The following SEMA3E variants were observed in gnomAD, a reference collection of about 807,000 sequenced individuals.
SEMA3E encodes the protein semaphorin 3E, also known as semaphorin-3E.
In SEMA3E, 49 loss-of-function variants were observed where a neutral mutation model predicts 93.6. The observed-to-expected ratio is 0.52, with a 90% CI of 0.42 to 0.66. The LOEUF (loss-of-function observed/expected upper bound fraction) is 0.66. SEMA3E is among the 30% of genes least tolerant of loss of function. The pLI, the probability that SEMA3E is intolerant of heterozygous loss-of-function variation, is 0.00. For missense variants in SEMA3E, 906 were observed against 964.8 expected, an observed-to-expected ratio of 0.94 and a Z score of 0.81; for synonymous variants, 363 against 330.7, an observed-to-expected ratio of 1.10 and a Z score of -1.06.
chr7:83,494,133 G>A (rs1790441697), intron 1 of SEMA3E, among the ~76,000 whole-genome samples: 1 of 151,732 alleles, frequency 6.6e-6, no homozygotes, highest in Non-Finnish European at 1.5e-5. Flanking sequence ...TATATTTCTA[G>A]GGAGTAAGGG....
chr7:83,587,767 A>T (rs1483603360), intron 1 of SEMA3E, among the ~76,000 whole-genome samples: 1 of 152,002 alleles, frequency 6.6e-6, no homozygotes, highest in Non-Finnish European at 1.5e-5. Flanking sequence ...AATATTTAAT[A>T]ATCATGATTA....
intron 1 of SEMA3E, among the ~76,000 whole-genome samples, chr7:83,572,531 T>C (rs577163005): frequency 6.6e-6 from 1 of 152,152 alleles, no homozygotes; most frequent in South Asian, 2.1e-4. Flanking sequence ...CCCAGCTACT[T>C]GGGAGTCTGA....
At chr7:83,375,380 A>G (rs1363054953) in intron 16 of SEMA3E, among the ~76,000 whole-genome samples, 3 of 152,130 alleles carry the variant, frequency 2.0e-5, no homozygotes, top group African/African-American at 4.8e-5. Flanking sequence ...GGTTTCCAAC[A>G]ACAGCACCAT....
chr7:83,501,372 C>T (rs530742882), intron 1 of SEMA3E, among the ~76,000 whole-genome samples: 1 of 152,270 alleles, frequency 6.6e-6, no homozygotes, highest in South Asian at 2.1e-4. Context: ...CAAAAATATC[C>T]TGTTATAGAA....
chr7:83,454,273 ATAT>A (rs748285866), intron 4 of SEMA3E, among the ~76,000 whole-genome samples: 13,339 of 98,498 alleles, frequency 0.14, 1,054 homozygotes, highest in Middle Eastern at 0.18. Flanking sequence ...AAAAAAAAAA[ATAT>A]ATATATATAT....
intron 1 of SEMA3E, among the ~76,000 whole-genome samples, chr7:83,614,736 ATG>A: frequency 6.6e-6 from 1 of 152,088 alleles, no homozygotes; most frequent in East Asian, 1.9e-4. Context: ...GGAAAAGAAA[ATG>A]TGACAAATTA....
chr7:83,540,407 T>A (rs1022612195), intron 1 of SEMA3E, among the ~76,000 whole-genome samples: 1 of 152,198 alleles, frequency 6.6e-6, no homozygotes, highest in Admixed American at 6.5e-5. Flanking sequence ...CCAATATATA[T>A]TAAGCTAAGA....
chr7:83,626,302 T>C (rs1260008115), intron 1 of SEMA3E, among the ~76,000 whole-genome samples: 3 of 152,198 alleles, frequency 2.0e-5, no homozygotes, highest in Non-Finnish European at 4.4e-5. Flanking sequence ...TCTTTGTACC[T>C]CTGTTTAATT....
intron 1 of SEMA3E, among the ~76,000 whole-genome samples, chr7:83,611,984 C>A (rs1793276022): frequency 6.6e-6 from 1 of 152,112 alleles, no homozygotes; most frequent in African/African-American, 2.4e-5. Context: ...GTCCTCCCTG[C>A]TCCCTCCACT....
chr7:83,639,807 C>CTATA (rs1342173201), intron 1 of SEMA3E, among the ~76,000 whole-genome samples: 4 of 151,622 alleles, frequency 2.6e-5, no homozygotes, highest in African/African-American at 9.7e-5. Flanking sequence ...AATTGTAAGT[C>CTATA]TATACCCTTT....
At chr7:83,525,784 GTTTTTT>G (rs35792837) in intron 1 of SEMA3E, among the ~76,000 whole-genome samples, 2 of 128,560 alleles carry the variant, frequency 1.6e-5, no homozygotes, top group Non-Finnish European at 3.3e-5. Flanking sequence ...GTTTGTTTGG[GTTTTTT>G]TTTTTTTTTT....
intron 13 of SEMA3E, 64 bp from the exon 14 acceptor site, chr7:83,392,785 T>C: frequency 7.0e-7 from 1 of 1,434,612 alleles, no homozygotes; most frequent in Non-Finnish European, 9.8e-7. Flanking sequence ...CTATTACACC[T>C]AGTTTTCACA....
At position 83,473,520 on chromosome 7, in the gene SEMA3E, C is replaced by T. The variant is rs150969782; in HGVS notation, c.277-4218G>A. On this transcript the variant is annotated intron_variant, in intron 2 of 16. Coordinates refer to ENST00000643230, the MANE Select transcript of SEMA3E (RefSeq NM_012431.3). ...CAAAATATTAGATGTTGCTGATTGG[C>T]GGTATTTTTTATTTAGTGGCAAATT... Among the ~76,000 whole-genome samples the T allele has an allele frequency of 8.7e-4, 132 of 152,254 alleles. 1 individual carries two copies. The highest frequency in any genetic ancestry group is 2.4e-3 in the African/African-American group (101 of 41,540).
intron 4 of SEMA3E, among the ~76,000 whole-genome samples, chr7:83,437,459 T>C (rs1562782463): frequency 6.6e-6 from 1 of 152,018 alleles, no homozygotes; most frequent in Non-Finnish European, 1.5e-5. Flanking sequence ...CTTAAAATTT[T>C]AAAGAAAAAA....
chr7:83,493,136 A>C (rs1790418292), intron 1 of SEMA3E, among the ~76,000 whole-genome samples: 1 of 151,988 alleles, frequency 6.6e-6, no homozygotes, highest in African/African-American at 2.4e-5. Flanking sequence ...CAGTGCAAAA[A>C]AAGAAGCAAA....
At chr7:83,418,594 T>C (rs1788606427) in intron 4 of SEMA3E, 111 bp from the exon 5 acceptor site, 1 of 791,148 alleles carries the variant, frequency 1.3e-6, no homozygotes, top group Non-Finnish European at 2.2e-6. Context: ...GTATTCTAAA[T>C]AGAGCACCAG....
chr7:83,495,934 C>T (rs75193432), intron 1 of SEMA3E, among the ~76,000 whole-genome samples: 3,273 of 151,986 alleles, frequency 0.022, 118 homozygotes, highest in African/African-American at 0.075. Context: ...CGAGACGTCT[C>T]ATTTTTTATG....
In SEMA3E at chr7:83,364,281, T is replaced by A. The variant is rs1249116357; in HGVS notation, c.*3305A>T. 1 of 152,186 alleles carries A rather than the reference T, an allele frequency of 6.6e-6. No homozygotes were observed. Among genetic ancestry groups the A allele is most frequent in the Non-Finnish European group, 1.5e-5 (1 of 68,036 alleles). 9.4% of individuals were successfully genotyped at this position (152,186 alleles called of 1,614,324 possible). A position where few individuals can be genotyped will look rare whatever the true frequency, so the allele number is the denominator to read the frequency against. On this transcript the variant is annotated 3_prime_UTR_variant, in exon 17 of 17. Transcript: ENST00000643230. ...AATGACTTATAGTATTTTACAAATT[T>A]TACAAATGTTTATAATTACTATGAA...
chr7:83,398,365 G>A (rs987223972), intron 11 of SEMA3E, among the ~76,000 whole-genome samples: 1 of 152,028 alleles, frequency 6.6e-6, no homozygotes, highest in Non-Finnish European at 1.5e-5. Context: ...GAAAAAAACC[G>A]CAATTACTTT....
Sources: allele counts gnomAD v4.1 joint callset (sites outside exome capture counted in the v4.1 genomes callset), GRCh38; gene constraint gnomAD v4.1.1; transcripts MANE v1.5; gene names NCBI Gene and HGNC (gene_info 2026-07-23, HGNC 2026-07-21).